ACAD11: variants seen among roughly 807,000 people sequenced by gnomAD.
ACAD11 encodes acyl-Coenzyme A dehydrogenase family, member 11.
A neutral mutation model predicts 102.2 loss-of-function variants in ACAD11; 83 were observed. The ratio of observed to expected loss-of-function variants is 0.81; its 90% CI spans 0.68 to 0.97. The LOEUF (loss-of-function observed/expected upper bound fraction) is 0.97. ACAD11 is among the 50% of genes least tolerant of loss of function. The pLI is 0.00. For synonymous variants in ACAD11, 324 were observed against 319.8 expected, an observed-to-expected ratio of 1.01 and a Z score of -0.14; for missense variants, 901 against 951.7, an observed-to-expected ratio of 0.95 and a Z score of 0.70.
rs843978 is a variant in ACAD11 at position 132,634,233 on chromosome 3, C to A, written c.703-2754G>T. Among the ~76,000 whole-genome samples the A allele has an allele frequency of 5.3e-5, 8 of 152,074 alleles. No individual in the cohort carries two copies. The East Asian group carries it at 7.7e-4, about 15-fold the overall frequency. ...AGAAAAAAACAAACAACCCCATCAA[C>A]AAGTGGGTGAACGATATGAACAGAC... On this transcript the variant is annotated intron_variant, in intron 5 of 19. Transcript: ENST00000264990.
Position 132,627,007 on chromosome 3 carries a change from T to C in ACAD11, c.1071-190A>G, listed in dbSNP as rs1939844466. 8 of 519,884 alleles carry C rather than the reference T, an allele frequency of 1.5e-5. No homozygotes were observed. In the South Asian group the frequency reaches 2.2e-4, roughly 14 times the overall value. 32.2% of individuals were successfully genotyped at this position (519,884 alleles called of 1,614,324 possible). A position where few individuals can be genotyped will look rare whatever the true frequency, so the allele number is the denominator to read the frequency against. On this transcript the variant is annotated intron_variant, in intron 8 of 19. Coordinates refer to ENST00000264990, the MANE Select transcript of ACAD11 (RefSeq NM_032169.5). ...TGCAGAATCACTTCCATTTTAAACA[T>C]TTAACTTTAATGCTTAAAGCACTAT... is the stretch of plus-strand genomic sequence containing the variant.
In ACAD11 at chr3:132,655,867, A is replaced by G. The variant is rs572566753; in HGVS notation, c.149+3736T>C. Among the ~76,000 whole-genome samples, 3 of 152,366 alleles carry G rather than the reference A, an allele frequency of 2.0e-5. No homozygotes were observed. In the South Asian group the frequency reaches 6.2e-4, roughly 32 times the overall value. ...CTATATAATACTTTCATTATTGATT[A>G]ATTCTAAATATTTTATCTTTCCAAT... On this transcript the variant is annotated intron_variant, in intron 1 of 19. Transcript: ENST00000264990.
intron 1 of ACAD11, chr3:132,645,783 A>G (rs1940693764): frequency 6.6e-6 from 1 of 152,196 alleles, no homozygotes; most frequent in Admixed American, 6.5e-5. Flanking sequence ...TGTCTTCTAT[A>G]AATCAGACCC....
intron 1 of ACAD11, among the ~76,000 whole-genome samples, chr3:132,645,159 T>C (rs1328558100): frequency 6.6e-6 from 1 of 152,208 alleles, no homozygotes; most frequent in African/African-American, 2.4e-5. Flanking sequence ...CTAAGTTTTA[T>C]CAGGAGTACC....
At chr3:132,588,014 C>T (rs1937917686) in intron 13 of ACAD11, among the ~76,000 whole-genome samples, 1 of 152,148 alleles carries the variant, frequency 6.6e-6, no homozygotes, top group Admixed American at 6.5e-5. Context: ...TCTGGTTCCT[C>T]AGGACACAGA....
intron 1 of ACAD11, among the ~76,000 whole-genome samples, chr3:132,654,082 A>T (rs1342034484): frequency 6.6e-6 from 1 of 152,180 alleles, no homozygotes; most frequent in Admixed American, 6.5e-5. Context: ...GCTTTTCTAT[A>T]GTCACCTACA....
At chr3:132,603,127 A>G in intron 13 of ACAD11, 102 bp downstream of exon 13, 1 of 1,025,228 alleles carries the variant, frequency 9.8e-7, no homozygotes, top group Admixed American at 1.9e-5. Context: ...TTAAAGAATT[A>G]TGATCATGAA....
chr3:132,659,529 C>A, intron 1 of ACAD11, 74 bp downstream of exon 1: 4 of 1,592,738 alleles, frequency 2.5e-6, no homozygotes, highest in Non-Finnish European at 3.4e-6. Context: ...ACTTAGGAAA[C>A]CACCCAGGGC....
At chr3:132,659,355 T>C (rs1049841840) in intron 1 of ACAD11, 1 of 507,708 alleles carries the variant, frequency 2.0e-6, no homozygotes, top group Non-Finnish European at 3.4e-6. Context: ...ATCCATCCTT[T>C]AACAAAGATT....
intron 1 of ACAD11, among the ~76,000 whole-genome samples, chr3:132,657,953 C>T (rs1396915739): frequency 6.6e-6 from 1 of 150,392 alleles, no homozygotes; most frequent in African/African-American, 2.4e-5. Context: ...ACCTCCCTCT[C>T]CTGGTTCAAG....
Position 132,659,120 on chromosome 3 carries a change from A to T in ACAD11, c.149+483T>A, listed in dbSNP as rs1937985893. Among the ~76,000 whole-genome samples the T allele has an allele frequency of 2.0e-5, 3 of 152,198 alleles. No individual in the cohort carries two copies. In the South Asian group the frequency reaches 6.2e-4, roughly 31 times the overall value. On this transcript the variant is annotated intron_variant, in intron 1 of 19. Coordinates refer to ENST00000264990, the MANE Select transcript of ACAD11 (RefSeq NM_032169.5). The stretch of plus-strand genomic sequence containing the variant: ...TCAGTTCCATTACCTCACTTCAAAA[A>T]ACCTGAGGCCCAAAGTGGTGCTGTG...
Position 132,558,829 on chromosome 3 carries a change from A to T in ACAD11, c.*142T>A, listed in dbSNP as rs750282915. 3.8e-5 allele frequency: 24 copies of T among 632,196 alleles called. No individual in the cohort carries two copies. The Admixed American group carries it at 4.1e-4, about 11-fold the overall frequency. The allele number at this position is 632,196 out of a possible 1,614,324, so 39.2% of individuals were successfully genotyped here. The stretch of plus-strand genomic sequence containing the variant: ...GAAATAATAAAACCCACTGATCAAA[A>T]TAGATGCTATAATCTTTACCACAAA... On this transcript the variant is annotated 3_prime_UTR_variant, in exon 20 of 20. Transcript: ENST00000264990.
chr3:132,559,510 T>C (rs150658612), intron 19 of ACAD11, among the ~76,000 whole-genome samples: 37 of 152,238 alleles, frequency 2.4e-4, no homozygotes, highest in African/African-American at 7.7e-4. Context: ...TGTTCCTTTC[T>C]GCCTCCCAGT....
At chr3:132,602,199 A>C (rs982168853) in intron 13 of ACAD11, 4 of 166,966 alleles carry the variant, frequency 2.4e-5, no homozygotes, top group African/African-American at 7.2e-5. Context: ...CAATAAAAAA[A>C]AAACAAACTA....
At chr3:132,564,916 A>G (rs1937166839) in intron 17 of ACAD11, among the ~76,000 whole-genome samples, 1 of 152,126 alleles carries the variant, frequency 6.6e-6, no homozygotes, top group African/African-American at 2.4e-5. Context: ...TTTTTGCCTC[A>G]TATATCTCAG....
rs1238546209 is a variant in ACAD11, at chr3:132,578,705, CT to C, written c.1774+90del. ...GACAAAGGAATATCTAAGAATCTAT[CT>C]TATGCATTAAAATGCTATTGCCTTC... On this transcript the variant is annotated intron_variant, in intron 15 of 19. Coordinates refer to ENST00000264990, the MANE Select transcript of ACAD11 (RefSeq NM_032169.5). 2.2e-6 allele frequency: 3 copies of C among 1,375,530 alleles called. No individual in the cohort carries two copies. In the African/African-American group the frequency reaches 4.4e-5, roughly 20 times the overall value. 85.2% of individuals were successfully genotyped at this position (1,375,530 alleles called of 1,614,324 possible).
chr3:132,620,038 C>A (rs1252512671), intron 9 of ACAD11, among the ~76,000 whole-genome samples: 4 of 152,092 alleles, frequency 2.6e-5, no homozygotes, highest in Admixed American at 2.0e-4. Context: ...GCCACATAGG[C>A]AGGAGTCAGA....
At chr3:132,609,410 G>A (rs1939010825) in intron 11 of ACAD11, among the ~76,000 whole-genome samples, 1 of 151,980 alleles carries the variant, frequency 6.6e-6, no homozygotes, top group Admixed American at 6.6e-5. Flanking sequence ...AAAGAAAAGA[G>A]AAGAATCAAA....
intron 11 of ACAD11, among the ~76,000 whole-genome samples, chr3:132,607,012 A>G (rs1288842652): frequency 1.3e-5 from 2 of 152,186 alleles, no homozygotes; most frequent in African/African-American, 4.8e-5. Flanking sequence ...GACCTCCAGC[A>G]AACTCCAGCA....
Sources: allele counts gnomAD v4.1 joint callset (sites outside exome capture counted in the v4.1 genomes callset), GRCh38; gene constraint gnomAD v4.1.1; transcripts MANE v1.5; gene names NCBI Gene and HGNC (gene_info 2026-07-23, HGNC 2026-07-21).